Variants in FHIT observed in about 807,000 individuals in gnomAD.
FHIT encodes fragile histidine triad diadenosine triphosphatase.
In FHIT, 19 loss-of-function variants were observed where a neutral mutation model predicts 17.9. The ratio of observed to expected loss-of-function variants is 1.06; its 90% CI spans 0.74 to 1.56. The LOEUF (loss-of-function observed/expected upper bound fraction) is 1.56. FHIT is among the 40% of genes most tolerant of loss of function. FHIT has a pLI of 0.00. For missense variants in FHIT, 248 were observed against 189.2 expected, an observed-to-expected ratio of 1.31 and a Z score of -1.82; for synonymous variants, 81 against 69.7, an observed-to-expected ratio of 1.16 and a Z score of -0.81.
chr3:60,076,208 C>A (rs531437050), intron 5 of FHIT, among the ~76,000 whole-genome samples: 2 of 152,160 alleles, frequency 1.3e-5, no homozygotes, highest in South Asian at 4.2e-4. Context: ...CTTAAAAGCT[C>A]TTCCCTTTTC....
intron 5 of FHIT, among the ~76,000 whole-genome samples, chr3:60,237,581 T>G (rs993752042): frequency 2.0e-5 from 3 of 152,186 alleles, no homozygotes; most frequent in African/African-American, 7.2e-5. Context: ...TCCTGTTTTA[T>G]GTTTGACCAC....
intron 7 of FHIT, among the ~76,000 whole-genome samples, chr3:59,998,840 G>C (rs921592830): frequency 7.9e-5 from 12 of 152,054 alleles, no homozygotes; most frequent in African/African-American, 2.7e-4. Flanking sequence ...CCTAATCAAA[G>C]TCCACTATTT....
chr3:60,613,139 T>C (rs1307743222), intron 4 of FHIT, among the ~76,000 whole-genome samples: 1 of 152,186 alleles, frequency 6.6e-6, no homozygotes, highest in Non-Finnish European at 1.5e-5. Context: ...AATGCTTGAC[T>C]TTTTCTTCCT....
At chr3:60,136,283 C>G (rs946920248) in intron 5 of FHIT, among the ~76,000 whole-genome samples, 4 of 152,142 alleles carry the variant, frequency 2.6e-5, no homozygotes, top group African/African-American at 9.7e-5. Context: ...CCTTGTGTTT[C>G]CTGAATGCAA....
intron 4 of FHIT, among the ~76,000 whole-genome samples, chr3:60,675,669 CAT>C (rs1183131983): frequency 1.3e-5 from 2 of 152,204 alleles, no homozygotes; most frequent in Middle Eastern, 3.2e-3. Context: ...CAATAAATCA[CAT>C]CTGTCTCTAT....
intron 4 of FHIT, among the ~76,000 whole-genome samples, chr3:60,675,474 T>C (rs1553695114): frequency 2.0e-5 from 3 of 152,228 alleles, no homozygotes; most frequent in African/African-American, 7.2e-5. Flanking sequence ...AGTTCTCCCA[T>C]ATTCTCTCTT....
intron 5 of FHIT, among the ~76,000 whole-genome samples, chr3:60,524,996 G>T (rs947510982): frequency 5.8e-4 from 88 of 152,324 alleles, no homozygotes; most frequent in African/African-American, 1.9e-3. Flanking sequence ...AATCAGAGGG[G>T]CAATGGTTGA....
chr3:60,134,275 A>G (rs998919665), intron 5 of FHIT, among the ~76,000 whole-genome samples: 2 of 152,186 alleles, frequency 1.3e-5, no homozygotes, highest in African/African-American at 4.8e-5. Context: ...ATAAAATTGC[A>G]ACATTTTATG....
intron 5 of FHIT, among the ~76,000 whole-genome samples, chr3:60,269,750 G>C (rs760171246): frequency 2.0e-5 from 3 of 152,216 alleles, no homozygotes; most frequent in Non-Finnish European, 4.4e-5. Context: ...ACAGTCTAGT[G>C]AAGCAGATAG....
chr3:60,445,788 C>T (rs373479172), intron 5 of FHIT, among the ~76,000 whole-genome samples: 1 of 143,006 alleles, frequency 7.0e-6, no homozygotes, highest in African/African-American at 2.5e-5. Context: ...AACTTTAAAG[C>T]AAAAAAAAAA....
At chr3:60,865,159 G>T (rs181551984) in intron 3 of FHIT, among the ~76,000 whole-genome samples, 4 of 152,214 alleles carry the variant, frequency 2.6e-5, no homozygotes, top group Admixed American at 6.5e-5. Flanking sequence ...TGCATGTGTT[G>T]ACCAAAAAAC....
At chr3:59,961,676 G>C (rs1304575895) in intron 7 of FHIT, among the ~76,000 whole-genome samples, 1 of 152,096 alleles carries the variant, frequency 6.6e-6, no homozygotes, top group Non-Finnish European at 1.5e-5. Flanking sequence ...GGAGTTCCCT[G>C]ACCCCTTGTG....
At chr3:60,711,130 T>A (rs1293491518) in intron 4 of FHIT, among the ~76,000 whole-genome samples, 1 of 152,146 alleles carries the variant, frequency 6.6e-6, no homozygotes, top group African/African-American at 2.4e-5. Flanking sequence ...AATCCATGGT[T>A]CTGCAGACAC....
intron 5 of FHIT, among the ~76,000 whole-genome samples, chr3:60,456,098 C>T (rs1285494978): frequency 6.6e-6 from 1 of 152,170 alleles, no homozygotes; most frequent in South Asian, 2.1e-4. Flanking sequence ...AAAAGCTCCA[C>T]CACATGCAAT....
intron 4 of FHIT, among the ~76,000 whole-genome samples, chr3:60,666,479 T>C (rs2040384182): frequency 1.3e-5 from 2 of 152,196 alleles, no homozygotes; most frequent in Admixed American, 1.3e-4. Flanking sequence ...CCTCTATAGG[T>C]AATGTGTCAT....
At chr3:61,072,873 A>G (rs1471016201) in intron 2 of FHIT, among the ~76,000 whole-genome samples, 3 of 152,190 alleles carry the variant, frequency 2.0e-5, no homozygotes, top group African/African-American at 7.2e-5. Context: ...TACACAGTAT[A>G]TACTTGTTTA....
At chr3:60,102,308 G>T (rs1275162628) in intron 5 of FHIT, among the ~76,000 whole-genome samples, 1 of 152,176 alleles carries the variant, frequency 6.6e-6, no homozygotes, top group Non-Finnish European at 1.5e-5. Context: ...CAGCTGCATT[G>T]CACAGAAGTC....
chr3:60,918,715 C>A (rs532161404), intron 3 of FHIT, among the ~76,000 whole-genome samples: 1 of 152,136 alleles, frequency 6.6e-6, no homozygotes, highest in African/African-American at 2.4e-5. Context: ...AAGCATGGAA[C>A]CTTGGTGTTA....
chr3:61,194,438 T>G (rs2038799846), intron 2 of FHIT, among the ~76,000 whole-genome samples: 1 of 152,104 alleles, frequency 6.6e-6, no homozygotes, highest in African/African-American at 2.4e-5. Context: ...CCACTAGTTA[T>G]TTAATATTTT....
Sources: gnomAD v4.1 joint callset for allele counts (sites outside exome capture counted in the v4.1 genomes callset) on GRCh38, gnomAD v4.1.1 for gene constraint, MANE v1.5 for transcripts, NCBI Gene and HGNC (gene_info 2026-07-23, HGNC 2026-07-21) for gene names.